The following CCDC34 variants were observed in gnomAD, a reference collection of about 807,000 sequenced individuals.
CCDC34 encodes the protein coiled-coil domain-containing protein 34.
In CCDC34, 40 loss-of-function variants were observed where a neutral mutation model predicts 44.1. The observed-to-expected ratio is 0.91, with a 90% CI of 0.70 to 1.18. The LOEUF is 1.18. Among genes scored for constraint, CCDC34 ranks in the 50% most tolerant of loss-of-function variants. CCDC34 has a pLI of 0.00. For synonymous variants in CCDC34, 159 were observed against 158.2 expected, an observed-to-expected ratio of 1.01 and a Z score of -0.04; for missense variants, 466 against 452.3, an observed-to-expected ratio of 1.03 and a Z score of -0.28.
intron 5 of CCDC34, among the ~76,000 whole-genome samples, chr11:27,340,400 G>A (rs1862338683): frequency 6.6e-6 from 1 of 152,014 alleles, no homozygotes; most frequent in Non-Finnish European, 1.5e-5. Context: ...CCTGATTAAG[G>A]CTTTATCACT....
In CCDC34 at chr11:27,338,711, A is replaced by G. The variant is rs1862313536; in HGVS notation, c.*110T>C. On this transcript the variant is annotated 3_prime_UTR_variant, in exon 6 of 6. Coordinates refer to ENST00000328697, the MANE Select transcript of CCDC34 (RefSeq NM_030771.2). The stretch of plus-strand genomic sequence containing the variant: ...TCCATATACAAATGCAAAAATTGCT[A>G]TTTGTCAATAATCACATTAAGTGTT... 1.1e-6 allele frequency: 1 copy of G among 887,066 alleles called. No homozygotes were observed. The highest frequency in any genetic ancestry group is 1.7e-5 in the African/African-American group (1 of 57,950). The allele number at this position is 887,066 out of a possible 1,614,324, so 54.9% of individuals were successfully genotyped here.
chr11:27,358,419 C>T (rs1045750256), intron 1 of CCDC34, among the ~76,000 whole-genome samples: 1 of 152,196 alleles, frequency 6.6e-6, no homozygotes, highest in Non-Finnish European at 1.5e-5. Context: ...TTATTACAGA[C>T]TCAGTTCTTT....
chr11:27,341,247 T>G (rs187778084), intron 4 of CCDC34, 145 bp downstream of exon 4: 2 of 517,752 alleles, frequency 3.9e-6, no homozygotes, highest in Middle Eastern at 3.7e-4. Flanking sequence ...TTTTGAAGTT[T>G]AAACACAGCG....
chr11:27,356,548 G>C (rs1485270333), intron 2 of CCDC34, among the ~76,000 whole-genome samples: 1 of 151,910 alleles, frequency 6.6e-6, no homozygotes, highest in Non-Finnish European at 1.5e-5. Flanking sequence ...TCTGGCTTCA[G>C]TGTTTGGATA....
At chr11:27,350,028 T>C (rs1478986983) in intron 3 of CCDC34, 2 of 1,229,762 alleles carry the variant, frequency 1.6e-6, no homozygotes, top group African/African-American at 3.1e-5. Context: ...TGGGTTGTTT[T>C]AGATTTGCAG....
At chr11:27,350,545 C>A (rs1240242499) in intron 2 of CCDC34, 106 bp from the exon 3 acceptor site, 128 of 1,105,404 alleles carry the variant, frequency 1.2e-4, no homozygotes, top group Non-Finnish European at 1.6e-4. Context: ...AATATAGTTT[C>A]CTTTATGGAG....
intron 2 of CCDC34, among the ~76,000 whole-genome samples, chr11:27,354,962 T>G (rs1055843946): frequency 1.3e-5 from 2 of 152,106 alleles, no homozygotes; most frequent in African/African-American, 4.8e-5. Flanking sequence ...GAGAAGTTAA[T>G]TAACTTTTCT....
intron 5 of CCDC34, 70 bp downstream of exon 5, chr11:27,340,626 C>A (rs1455841267): frequency 1.4e-5 from 20 of 1,380,456 alleles, no homozygotes; most frequent in Non-Finnish European, 1.9e-5. Context: ...ATTTCTATTT[C>A]TGTCAAAAGG....
chr11:27,344,032 T>C lies in CCDC34; in HGVS notation c.607-2482A>G, dbSNP rs551735860. Among the ~76,000 whole-genome samples, 13 of 152,254 alleles carry C rather than the reference T, an allele frequency of 8.5e-5. No homozygotes were observed. In the East Asian group the frequency reaches 1.7e-3, roughly 20 times the overall value. On this transcript the variant is annotated intron_variant, in intron 3 of 5. Transcript: ENST00000328697. ...TAGTGTCTGAATAATCCTCTACTTA[T>C]AAAAACAATTCAAAATTAAAAACTT...
At chr11:27,347,883 T>C (rs1330422667) in intron 3 of CCDC34, among the ~76,000 whole-genome samples, 1 of 152,106 alleles carries the variant, frequency 6.6e-6, no homozygotes. Context: ...GTATGCAAAC[T>C]ACAGCTCAAT....
At chr11:27,352,605 T>C (rs1002029978) in intron 2 of CCDC34, among the ~76,000 whole-genome samples, 3 of 151,960 alleles carry the variant, frequency 2.0e-5, no homozygotes, top group Admixed American at 2.0e-4. Context: ...TCCAAAATAG[T>C]CCCAAATTTT....
At chr11:27,359,672 A>T (rs886904836) in intron 1 of CCDC34, among the ~76,000 whole-genome samples, 2 of 152,084 alleles carry the variant, frequency 1.3e-5, no homozygotes, top group East Asian at 1.9e-4. Flanking sequence ...TACATTTTTT[A>T]AAAAACTTCT....
At chr11:27,359,416 C>T (rs1165072755) in intron 1 of CCDC34, among the ~76,000 whole-genome samples, 10 of 152,162 alleles carry the variant, frequency 6.6e-5, no homozygotes, top group Admixed American at 6.5e-4. Context: ...AGATTAAGAG[C>T]TTAGATTTGG....
intron 3 of CCDC34, among the ~76,000 whole-genome samples, chr11:27,348,274 AGT>A (rs1204885618): frequency 6.6e-6 from 1 of 152,268 alleles, no homozygotes; most frequent in Non-Finnish European, 1.5e-5. Context: ...CAATGATAAC[AGT>A]GTTATCCATC....
rs1325978769 is a variant in CCDC34 at position 27,362,951 on chromosome 11, C to T, written c.244G>A (p.Gly82Ser). The T allele has an allele frequency of 6.2e-7, 1 of 1,614,174 alleles. No homozygotes were observed. Among genetic ancestry groups the T allele is most frequent in the South Asian group, 1.1e-5 (1 of 91,082 alleles). The change falls in exon 1 of 6, where the codon GGT becomes AGT. Residue 82 changes from glycine to serine, a missense_variant. By Grantham distance (56) the Gly-to-Ser change is moderately conservative. Coordinates refer to ENST00000328697, the MANE Select transcript of CCDC34 (RefSeq NM_030771.2). ...HQSFQFDEDD[G>S]DGEDEEDVDD... is the part of the protein sequence containing the mutation. ...ACGTCTTCCTCATCCTCCCCGTCAC[C>T]GTCGTCCTCGTCAAACTGGAAGCTC...
chr11:27,357,779 G>A (rs1274468144), intron 1 of CCDC34, among the ~76,000 whole-genome samples: 5 of 152,048 alleles, frequency 3.3e-5, no homozygotes, highest in East Asian at 1.9e-4. Context: ...CTAAAACCAC[G>A]TTATTTAAAA....
intron 3 of CCDC34, among the ~76,000 whole-genome samples, chr11:27,345,379 C>T (rs1862417549): frequency 6.6e-6 from 1 of 152,074 alleles, no homozygotes; most frequent in Non-Finnish European, 1.5e-5. Context: ...TGGTGTGCTG[C>T]ACCCATTAAC....
chr11:27,344,076 C>T (rs1230966429), intron 3 of CCDC34, among the ~76,000 whole-genome samples: 3 of 152,104 alleles, frequency 2.0e-5, no homozygotes, highest in African/African-American at 7.2e-5. Flanking sequence ...AAACTCCAGT[C>T]ACTGAAAGCT....
rs1862489696 is a variant in CCDC34, at chr11:27,350,326, C to A, written c.606+6G>T. The A allele has an allele frequency of 6.2e-7, 1 of 1,613,850 alleles. No individual in the cohort carries two copies. Among genetic ancestry groups the A allele is most frequent in the Non-Finnish European group, 8.5e-7 (1 of 1,179,932 alleles). ...TCAATGTGTGTATCCATTTTCCCCT[C>A]CTTACTTGCTCATTCTTTTTCTGAA... On this transcript the variant is annotated splice_donor_region_variant and intron_variant, in intron 3 of 5. Coordinates refer to ENST00000328697, the MANE Select transcript of CCDC34 (RefSeq NM_030771.2).
Sources: allele counts gnomAD v4.1 joint callset (sites outside exome capture counted in the v4.1 genomes callset), GRCh38; gene constraint gnomAD v4.1.1; transcripts MANE v1.5; gene names NCBI Gene and HGNC (gene_info 2026-07-23, HGNC 2026-07-21).